PLA2G6: variants seen among roughly 807,000 people sequenced by gnomAD.
PLA2G6 encodes 85/88 kDa calcium-independent phospholipase A2.
PLA2G6 carries 62 observed loss-of-function variants against 83.8 expected under a neutral mutation model. The observed-to-expected ratio is 0.74, with a 90% confidence interval of 0.60 to 0.91. PLA2G6 has a LOEUF of 0.91. Ranked by LOEUF, PLA2G6 falls within the 40% of genes least tolerant of loss-of-function variation. PLA2G6 has a pLI of 0.00. For synonymous variants in PLA2G6, 417 were observed against 449.8 expected (o/e 0.93, Z 0.92); for missense variants, 944 against 1,102.0 (o/e 0.86, Z 2.03).
intron 12 of PLA2G6, chr22:38,116,502 C>G (rs1198845779): frequency 3.6e-6 from 2 of 554,916 alleles, no homozygotes; most frequent in African/African-American, 1.9e-5. Context: ...TGGCTGTTAT[C>G]TGTTATCAAA....
At chr22:38,140,529 A>G in intron 4 of PLA2G6, 1 of 274,742 alleles carries the variant, frequency 3.6e-6, no homozygotes, top group Non-Finnish European at 7.2e-6. Context: ...ACGTAAAGAG[A>G]AGCACCAGGA....
At chr22:38,114,181 C>CTTTTTT (rs892300892) in intron 14 of PLA2G6, among the ~76,000 whole-genome samples, 1 of 137,590 alleles carries the variant, frequency 7.3e-6, no homozygotes, top group Non-Finnish European at 1.6e-5. Context: ...TGGGTGCTGC[C>CTTTTTT]TTTTTTTTTT....
chr22:38,151,612 A>G (rs2089564258), intron 2 of PLA2G6, among the ~76,000 whole-genome samples: 1 of 152,234 alleles, frequency 6.6e-6, no homozygotes, highest in Non-Finnish European at 1.5e-5. Flanking sequence ...AGAATGAAGC[A>G]CCATGGCAAG....
At chr22:38,135,215 C>G in intron 5 of PLA2G6, 131 bp from the exon 6 acceptor site, 1 of 695,488 alleles carries the variant, frequency 1.4e-6, no homozygotes, top group Non-Finnish European at 2.6e-6. Context: ...CAAACCCAAC[C>G]AGCACACTCA....
intron 2 of PLA2G6, among the ~76,000 whole-genome samples, chr22:38,162,034 G>A (rs2090031900): frequency 6.6e-6 from 1 of 151,888 alleles, no homozygotes; most frequent in South Asian, 2.1e-4. Context: ...GCAAAACCCT[G>A]TCTGTACTAA....
At chr22:38,178,673 TG>T (rs1255984198) in intron 1 of PLA2G6, among the ~76,000 whole-genome samples, 6 of 152,176 alleles carry the variant, frequency 3.9e-5, no homozygotes, top group Admixed American at 3.9e-4. Flanking sequence ...AAGACCGGCC[TG>T]GCCAACATAG....
intron 5 of PLA2G6, chr22:38,135,365 C>A: frequency 2.3e-6 from 1 of 434,466 alleles, no homozygotes; most frequent in East Asian, 4.5e-5. Flanking sequence ...CAAGCCCCAG[C>A]TTCCTCACTG....
intron 2 of PLA2G6, among the ~76,000 whole-genome samples, chr22:38,154,465 A>G (rs762173298): frequency 6.6e-6 from 1 of 152,228 alleles, no homozygotes; most frequent in Non-Finnish European, 1.5e-5. Flanking sequence ...CTGCCTGGTA[A>G]TCCAGAGAAT....
intron 2 of PLA2G6, among the ~76,000 whole-genome samples, chr22:38,165,652 T>A (rs1430161872): frequency 6.6e-6 from 1 of 152,066 alleles, no homozygotes; most frequent in African/African-American, 2.4e-5. Flanking sequence ...GGCGGGCAGA[T>A]CACAAGGTCA....
Position 38,112,113 on chromosome 22 carries a change from G to T in PLA2G6, c.*48C>A. ...GCAGTGGCTGGGCTTGGCCTGGCAG[G>T]GGCTGAATGGACGAGGTCAGCTGGG... On this transcript the variant is annotated 3_prime_UTR_variant, in exon 17 of 17. Coordinates refer to ENST00000332509, the MANE Select transcript of PLA2G6 (RefSeq NM_003560.4). 2 of 1,552,996 alleles carry T rather than the reference G, an allele frequency of 1.3e-6. No individual in the cohort carries two copies. Among genetic ancestry groups the T allele is most frequent in the Non-Finnish European group, 1.7e-6 (2 of 1,148,440 alleles).
At chr22:38,174,391 G>A (rs1171529589) in intron 1 of PLA2G6, among the ~76,000 whole-genome samples, 1 of 141,798 alleles carries the variant, frequency 7.1e-6, no homozygotes, top group African/African-American at 2.7e-5. Context: ...GCGAGACTCT[G>A]TCTCAAAAAA....
At chr22:38,133,363 G>T in intron 6 of PLA2G6, 1 of 346,078 alleles carries the variant, frequency 2.9e-6, no homozygotes, top group South Asian at 3.5e-5. Context: ...CCCTGCAAAG[G>T]TATCACCTCT....
chr22:38,112,357 G>A, intron 16 of PLA2G6, 52 bp from the exon 17 acceptor site: 4 of 1,599,382 alleles, frequency 2.5e-6, no homozygotes, highest in Non-Finnish European at 3.4e-6. Context: ...GGCTGGGCAG[G>A]GGACGCCAGC....
intron 6 of PLA2G6, chr22:38,134,054 C>G (rs935740076): frequency 6.6e-6 from 1 of 152,078 alleles, no homozygotes; most frequent in Non-Finnish European, 1.5e-5. Context: ...GCTGCCAGCA[C>G]GGCCAGAATA....
At chr22:38,150,354 T>C (rs1204807448) in intron 2 of PLA2G6, 1 of 152,194 alleles carries the variant, frequency 6.6e-6, no homozygotes, top group Non-Finnish European at 1.5e-5. Flanking sequence ...AAGCAAGCCA[T>C]GGTGACGACT....
chr22:38,162,069 G>A (rs2090033427), intron 2 of PLA2G6, among the ~76,000 whole-genome samples: 1 of 151,992 alleles, frequency 6.6e-6, no homozygotes, highest in South Asian at 2.1e-4. Context: ...TTAGCCGGGT[G>A]TGGTGGCGGG....
At chr22:38,175,680 C>T (rs2145959457) in intron 1 of PLA2G6, among the ~76,000 whole-genome samples, 1 of 152,298 alleles carries the variant, frequency 6.6e-6, no homozygotes, top group East Asian at 1.9e-4. Context: ...TTCATACCCG[C>T]ACCTCCGCCC....
intron 10 of PLA2G6, chr22:38,125,743 G>C (rs11570712): frequency 2.1e-6 from 1 of 469,416 alleles, no homozygotes; most frequent in East Asian, 6.9e-5. Context: ...AGGAACATGA[G>C]AGACTAATAA....
intron 5 of PLA2G6, chr22:38,137,241 C>T (rs1250728690): frequency 6.6e-6 from 1 of 152,400 alleles, no homozygotes; most frequent in African/African-American, 2.4e-5. Flanking sequence ...GCACTAGGCA[C>T]ATGGAGTCAG....
Sources: allele counts gnomAD v4.1 joint callset (sites outside exome capture counted in the v4.1 genomes callset), GRCh38; gene constraint gnomAD v4.1.1; transcripts MANE v1.5; gene names NCBI Gene and HGNC (gene_info 2026-07-23, HGNC 2026-07-21).